Variants in NEK4 observed in about 807,000 individuals in gnomAD.
NEK4 encodes the protein serine/threonine-protein kinase Nek4.
In NEK4, 86 loss-of-function variants were observed where a neutral mutation model predicts 98.4. That is an observed-to-expected ratio of 0.87 (90% CI 0.73 to 1.05). The LOEUF (loss-of-function observed/expected upper bound fraction) is 1.05. Ranked by LOEUF, NEK4 falls within the 50% of genes least tolerant of loss-of-function variation. The pLI is 0.00. For synonymous variants in NEK4, 328 were observed against 342.2 expected (o/e 0.96, Z 0.46); for missense variants, 898 against 950.3 (o/e 0.94, Z 0.72).
chr3:52,739,743 G>C (rs1011654042), intron 13 of NEK4, 109 bp from the exon 14 acceptor site: 2 of 898,844 alleles, frequency 2.2e-6, no homozygotes, highest in Non-Finnish European at 3.5e-6. Flanking sequence ...AAATGTCCAA[G>C]TAAGTTCCTA....
chr3:52,737,711 G>C lies in NEK4; in HGVS notation c.2308C>G (p.Pro770Ala), dbSNP rs748377374. The change falls in exon 15 of 16, where the codon CCA becomes GCA. Residue 770 changes from proline to alanine, a missense_variant. By Grantham distance (27) the Pro-to-Ala change is conservative. Coordinates refer to ENST00000233027, the MANE Select transcript of NEK4 (RefSeq NM_003157.6). ...AGTCTCCTGATCTTTTCAGAACCTG[G>C]CATAATAGCTAAAAGGCAACAACAA... The part of the protein sequence containing the change: ...HFKELPSAIM[P>A]GSEKIRRLVE... 1.2e-6 allele frequency: 2 copies of C among 1,608,170 alleles called. No individual in the cohort carries two copies. The highest frequency in any genetic ancestry group is 2.2e-5 in the South Asian group (2 of 89,970).
chr3:52,745,405 C>T (rs1578664349), intron 10 of NEK4, among the ~76,000 whole-genome samples: 1 of 151,922 alleles, frequency 6.6e-6, no homozygotes, highest in Admixed American at 6.6e-5. Flanking sequence ...AATGGTGTAA[C>T]CCTATCTCTA....
intron 8 of NEK4, chr3:52,747,355 TGAGG>T (rs751052681): frequency 4.8e-4 from 78 of 162,738 alleles, no homozygotes; most frequent in Non-Finnish European, 8.1e-4. Context: ...CTCAGAAGGC[TGAGG>T]TAGAAGAATT....
chr3:52,739,700 C>G, intron 13 of NEK4, 66 bp from the exon 14 acceptor site: 1 of 1,373,946 alleles, frequency 7.3e-7, no homozygotes, highest in Non-Finnish European at 1.0e-6. Context: ...TAAAAAATTA[C>G]GTGCAAAACG....
chr3:52,714,910 G>T (rs2154101835), intron 15 of NEK4, among the ~76,000 whole-genome samples: 1 of 152,328 alleles, frequency 6.6e-6, no homozygotes, highest in African/African-American at 2.4e-5. Flanking sequence ...CTGCCACTTT[G>T]TCCCCCTCCG....
intron 6 of NEK4, among the ~76,000 whole-genome samples, chr3:52,755,332 T>G (rs2097413348): frequency 6.6e-6 from 1 of 151,944 alleles, no homozygotes; most frequent in Non-Finnish European, 1.5e-5. Flanking sequence ...TGGAAGATAG[T>G]GGTGATGGCT....
Position 52,770,768 on chromosome 3 carries a change from T to A in NEK4, c.-22A>T, listed in dbSNP as rs758846347. On this transcript the variant is annotated 5_prime_UTR_variant, in exon 1 of 16. Coordinates refer to ENST00000233027, the MANE Select transcript of NEK4 (RefSeq NM_003157.6). ...GCATGTTCCCAGCGCTGGCCCAGAG[T>A]CGGGATGCGGCGGCAGCGGCGGGTA... 1 of 1,548,576 alleles carries A rather than the reference T, an allele frequency of 6.5e-7. No individual in the cohort carries two copies. The highest frequency in any genetic ancestry group is 1.4e-5 in the African/African-American group (1 of 72,954).
chr3:52,724,638 A>G (rs2097362926), intron 15 of NEK4, among the ~76,000 whole-genome samples: 1 of 152,236 alleles, frequency 6.6e-6, no homozygotes, highest in African/African-American at 2.4e-5. Context: ...AGGAACAGAC[A>G]GGAGAATGGT....
intron 10 of NEK4, among the ~76,000 whole-genome samples, chr3:52,744,680 T>A (rs565258676): frequency 4.1e-5 from 4 of 97,764 alleles, no homozygotes; most frequent in Admixed American, 1.4e-4. Context: ...CAAGACTCCA[T>A]CTCAAAAAAA....
At chr3:52,740,432 A>AG (rs377057957) in intron 13 of NEK4, among the ~76,000 whole-genome samples, 54 of 152,368 alleles carry the variant, frequency 3.5e-4, no homozygotes, top group African/African-American at 1.2e-3. Flanking sequence ...TTAACAGATT[A>AG]GACACTGCAG....
At chr3:52,755,195 G>A (rs950082397) in intron 6 of NEK4, among the ~76,000 whole-genome samples, 7 of 149,074 alleles carry the variant, frequency 4.7e-5, no homozygotes, top group African/African-American at 1.7e-4. Context: ...AAAATATCTA[G>A]AACAGGCAAA....
chr3:52,733,530 A>G, intron 15 of NEK4: 1 of 492,520 alleles, frequency 2.0e-6, no homozygotes. Flanking sequence ...AACCTTACAC[A>G]CGTAATGAAT....
chr3:52,714,684 C>T (rs1281865805), intron 15 of NEK4, among the ~76,000 whole-genome samples: 1 of 152,160 alleles, frequency 6.6e-6, no homozygotes, highest in African/African-American at 2.4e-5. Context: ...GCAGCGTGGT[C>T]GGGCGCAAAG....
intron 6 of NEK4, among the ~76,000 whole-genome samples, chr3:52,759,278 G>A (rs1164193563): frequency 6.6e-6 from 1 of 151,904 alleles, no homozygotes; most frequent in Non-Finnish European, 1.5e-5. Flanking sequence ...GTGGCATGCT[G>A]TGGTCCCAGC....
At chr3:52,734,264 G>A (rs1329458104) in intron 15 of NEK4, among the ~76,000 whole-genome samples, 2 of 151,968 alleles carry the variant, frequency 1.3e-5, no homozygotes, top group African/African-American at 2.4e-5. Flanking sequence ...GGCCAAAATG[G>A]TGAAACCCCG....
At position 52,765,915 on chromosome 3, in the gene NEK4, G is replaced by T. The variant is rs1323260547; in HGVS notation, c.638C>A (p.Ser213Tyr). ...KHAFNAKDMN[S>Y]LVYRIIEGKL... ...TCCTTCAATAATCCGATAAACTAAAGAATTCATATCTTTTGCATTGAAAGC... is the reference window on the plus strand; with the variant it reads ...TCCTTCAATAATCCGATAAACTAAATAATTCATATCTTTTGCATTGAAAGC... Residue 213 changes from serine (S) to tyrosine (Y), a missense_variant, in exon 4 of 16, where the codon TCT (serine) becomes TAT (tyrosine). Transcript: ENST00000233027. 2 of 1,608,712 alleles carry T rather than the reference G, an allele frequency of 1.2e-6. No individual in the cohort carries two copies. Among genetic ancestry groups the T allele is most frequent in the South Asian group, 1.1e-5 (1 of 90,906 alleles).
chr3:52,745,171 G>A (rs965943676), intron 10 of NEK4, among the ~76,000 whole-genome samples: 3 of 151,778 alleles, frequency 2.0e-5, no homozygotes, highest in Admixed American at 6.6e-5. Flanking sequence ...TGCCCACCTC[G>A]GCCTCCCAAA....
intron 1 of NEK4, among the ~76,000 whole-genome samples, 177 bp from the exon 2 acceptor site, chr3:52,768,781 A>T (rs1698673347): frequency 6.6e-6 from 1 of 152,198 alleles, no homozygotes; most frequent in Non-Finnish European, 1.5e-5. Flanking sequence ...GCTATTATTG[A>T]TACTTCTTAT....
chr3:52,722,497 G>C (rs2097360966), intron 15 of NEK4, among the ~76,000 whole-genome samples: 1 of 151,858 alleles, frequency 6.6e-6, no homozygotes, highest in Non-Finnish European at 1.5e-5. Context: ...TGTCCAGTTT[G>C]AAAACAAAAA....
Sources: gnomAD v4.1 joint callset for allele counts (sites outside exome capture counted in the v4.1 genomes callset) on GRCh38, gnomAD v4.1.1 for gene constraint, MANE v1.5 for transcripts, NCBI Gene and HGNC (gene_info 2026-07-23, HGNC 2026-07-21) for gene names.